RFTN1: variants seen among roughly 807,000 people sequenced by gnomAD.
RFTN1 encodes raftlin.
In RFTN1, 26 loss-of-function variants were observed where a neutral mutation model predicts 46.5. The observed-to-expected ratio is 0.56, with a 90% CI of 0.41 to 0.78. The LOEUF is 0.78. Ranked by LOEUF, RFTN1 falls within the 30% of genes least tolerant of loss-of-function variation. The pLI, the probability that RFTN1 is intolerant of heterozygous loss-of-function variation, is 0.00. For missense variants in RFTN1, 693 were observed against 718.7 expected, an observed-to-expected ratio of 0.96 and a Z score of 0.41; for synonymous variants, 261 against 284.2, an observed-to-expected ratio of 0.92 and a Z score of 0.82.
intron 2 of RFTN1, among the ~76,000 whole-genome samples, chr3:16,445,981 T>G (rs1159366564): frequency 6.6e-6 from 1 of 152,152 alleles, no homozygotes; most frequent in Non-Finnish European, 1.5e-5. Context: ...GAACCCATGC[T>G]GGGTTTATTT....
intron 4 of RFTN1, among the ~76,000 whole-genome samples, chr3:16,396,118 G>T (rs547471378): frequency 4.9e-4 from 75 of 152,116 alleles, no homozygotes; most frequent in Middle Eastern, 3.4e-3. Flanking sequence ...TGCCATTTTT[G>T]ATCAGAGACC....
chr3:16,373,728 C>T (rs944517865), intron 5 of RFTN1, among the ~76,000 whole-genome samples: 8 of 152,192 alleles, frequency 5.3e-5, no homozygotes, highest in African/African-American at 1.9e-4. Context: ...TGGTCATTAG[C>T]TGCATTGGAA....
rs1450205566 is a variant in RFTN1 at position 16,345,361 on chromosome 3, A to C, written c.1146+12571T>G. The stretch of plus-strand genomic sequence containing the variant: ...ATCTCAAACACATTGGGAAAACCTA[A>C]AGATATAGCCCCTGTTATCACATTG... On this transcript the variant is annotated intron_variant, in intron 7 of 9. Coordinates refer to ENST00000334133, the MANE Select transcript of RFTN1 (RefSeq NM_015150.2). The surrounding 1 kb of genome is among the most constrained non-coding windows in gnomAD (Gnocchi z 5.2). 1 of 151,490 alleles carries C rather than the reference A, an allele frequency of 6.6e-6. No homozygotes were observed. Among genetic ancestry groups the C allele is most frequent in the African/African-American group, 2.4e-5 (1 of 41,064 alleles). 9.4% of individuals were successfully genotyped at this position (151,490 alleles called of 1,614,324 possible). A position where few individuals can be genotyped will look rare whatever the true frequency, so the allele number is the denominator to read the frequency against.
chr3:16,453,998 A>C (rs1295131177), intron 2 of RFTN1, among the ~76,000 whole-genome samples: 1 of 152,204 alleles, frequency 6.6e-6, no homozygotes, highest in African/African-American at 2.4e-5. Flanking sequence ...CAGAAATGGA[A>C]GGCAGAAGAC....
At position 16,377,958 on chromosome 3, in the gene RFTN1, C is replaced by A. The variant is rs2073842300; in HGVS notation, c.586G>T (p.Asp196Tyr). 4 of 1,614,246 alleles carry A rather than the reference C, an allele frequency of 2.5e-6. No homozygotes were observed. The highest frequency in any genetic ancestry group is 3.4e-6 in the Non-Finnish European group (4 of 1,180,044). Residue 196 changes from aspartate (D) to tyrosine (Y), a missense_variant, in exon 5 of 10, where the codon GAT (aspartate) becomes TAT (tyrosine). Asp to Tyr is a radical substitution (Grantham distance 160). Coordinates refer to ENST00000334133, the MANE Select transcript of RFTN1 (RefSeq NM_015150.2). ...TTCTCATTCTCCAGTGACGCGTGAT[C>A]CCCACGTGCGTTTTTTGCATCTCTG... ...DARDAKNARG[D>Y]HASLENEKPG...
Position 16,504,212 on chromosome 3 carries a change from C to G in RFTN1, c.-9+9230G>C, listed in dbSNP as rs1010127037. Reference sequence around the variant, plus strand: ...CTTATTCACAGCCTAACAACAGCAGCCTTTCAGAAAAATAGCACACATAAA... The same window carrying G: ...CTTATTCACAGCCTAACAACAGCAGGCTTTCAGAAAAATAGCACACATAAA... On this transcript the variant is annotated intron_variant, in intron 1 of 9. Coordinates refer to ENST00000334133, the MANE Select transcript of RFTN1 (RefSeq NM_015150.2). This position sits in a 1 kb window ranked among gnomAD's most constrained non-coding sequence, Gnocchi z 4.4. 2.0e-5 allele frequency among the ~76,000 whole-genome samples: 3 copies of G among 152,202 alleles called. No individual in the cohort carries two copies. Among genetic ancestry groups the G allele is most frequent in the Non-Finnish European group, 4.4e-5 (3 of 68,036 alleles).
Position 16,440,981 on chromosome 3 carries a change from T to C in RFTN1, c.146-6944A>G, listed in dbSNP as rs1444672105. Among the ~76,000 whole-genome samples the C allele has an allele frequency of 6.6e-6, 1 of 152,140 alleles. No homozygotes were observed. Among genetic ancestry groups the C allele is most frequent in the Admixed American group, 6.5e-5 (1 of 15,272 alleles). On this transcript the variant is annotated intron_variant, in intron 2 of 9. Coordinates refer to ENST00000334133, the MANE Select transcript of RFTN1 (RefSeq NM_015150.2). The surrounding 1 kb of genome is among the most constrained non-coding windows in gnomAD (Gnocchi z 4.6). The stretch of plus-strand genomic sequence containing the variant: ...CTGTTCATCCCACATCATCACAAGG[T>C]ACATCAAAAGCTTCAAGGACACATC...
chr3:16,402,481 G>A lies in RFTN1; in HGVS notation c.441+6894C>T, dbSNP rs1245523001. Among the ~76,000 whole-genome samples the A allele has an allele frequency of 6.6e-6, 1 of 152,056 alleles. No homozygotes were observed. Among genetic ancestry groups the A allele is most frequent in the Non-Finnish European group, 1.5e-5 (1 of 68,018 alleles). Reference sequence around the variant, plus strand: ...ATGTCACTATTCTCTTGGTTTGTGGGTGGGTTCTGGTGCAGCAAGCACAGG... The same window carrying A: ...ATGTCACTATTCTCTTGGTTTGTGGATGGGTTCTGGTGCAGCAAGCACAGG... On this transcript the variant is annotated intron_variant, in intron 4 of 9. Transcript: ENST00000334133. The surrounding 1 kb of genome is among the most constrained non-coding windows in gnomAD (Gnocchi z 4.5).
rs1217395882 is a variant in RFTN1 at position 16,383,640 on chromosome 3, T to C, written c.442-5538A>G. 1.3e-5 allele frequency among the ~76,000 whole-genome samples: 2 copies of C among 152,248 alleles called. No homozygotes were observed. The highest frequency in any genetic ancestry group is 2.9e-5 in the Non-Finnish European group (2 of 68,054). ...ACCATGTTGCTAATGATAAGTGCGATATATACTCTATGTGCATGCGAATAT... is the reference window on the plus strand; with the variant it reads ...ACCATGTTGCTAATGATAAGTGCGACATATACTCTATGTGCATGCGAATAT... On this transcript the variant is annotated intron_variant, in intron 4 of 9. Coordinates refer to ENST00000334133, the MANE Select transcript of RFTN1 (RefSeq NM_015150.2). This position sits in a 1 kb window ranked among gnomAD's most constrained non-coding sequence, Gnocchi z 4.0.
chr3:16,343,113 G>A (rs985944649), intron 7 of RFTN1, among the ~76,000 whole-genome samples: 2 of 152,188 alleles, frequency 1.3e-5, no homozygotes, highest in Admixed American at 6.5e-5. Context: ...CCAAAGAGCT[G>A]GGATTACAGG....
intron 1 of RFTN1, among the ~76,000 whole-genome samples, chr3:16,510,274 A>G (rs910870151): frequency 6.6e-6 from 1 of 152,200 alleles, no homozygotes; most frequent in African/African-American, 2.4e-5. Context: ...CTCTCCACCA[A>G]GTTAATATCA....
rs1191528295 is a variant in RFTN1, at chr3:16,384,423, C to G, written c.442-6321G>C. Among the ~76,000 whole-genome samples the G allele has an allele frequency of 1.3e-5, 2 of 152,208 alleles. No individual in the cohort carries two copies. The highest frequency in any genetic ancestry group is 2.9e-5 in the Non-Finnish European group (2 of 68,034). ...CTCCCAAATGACAGTGAGCCCCAAA[C>G]AGAAACAAGACAACTAGGACTTCAT... On this transcript the variant is annotated intron_variant, in intron 4 of 9. Coordinates refer to ENST00000334133, the MANE Select transcript of RFTN1 (RefSeq NM_015150.2). This position sits in a 1 kb window ranked among gnomAD's most constrained non-coding sequence, Gnocchi z 4.7.
intron 4 of RFTN1, among the ~76,000 whole-genome samples, chr3:16,405,230 C>A (rs1458606804): frequency 6.6e-6 from 1 of 152,162 alleles, no homozygotes; most frequent in Non-Finnish European, 1.5e-5. Context: ...GAGCCCTCGT[C>A]CCAAAGGAAT....
rs1160386331 is a variant in RFTN1 at position 16,317,772 on chromosome 3, C to T, written c.1333-540G>A. Reference sequence around the variant, plus strand: ...TGGCGGGCCCGCTCCCCAGCTAGGCCGATAGCCCTTTGCTGACCACCACCT... The same window carrying T: ...TGGCGGGCCCGCTCCCCAGCTAGGCTGATAGCCCTTTGCTGACCACCACCT... On this transcript the variant is annotated intron_variant, in intron 9 of 9. Transcript: ENST00000334133. This position sits in a 1 kb window ranked among gnomAD's most constrained non-coding sequence, Gnocchi z 4.3. Among the ~76,000 whole-genome samples, 1 of 92,314 alleles carries T rather than the reference C, an allele frequency of 1.1e-5. No individual in the cohort carries two copies. Among genetic ancestry groups the T allele is most frequent in the Admixed American group, 9.6e-5 (1 of 10,390 alleles). The allele number at this position is 92,314 out of a possible 152,430, so 60.6% of individuals were successfully genotyped here. A position where few individuals can be genotyped will look rare whatever the true frequency, so the allele number is the denominator to read the frequency against.
In RFTN1 at chr3:16,456,418, G is replaced by A. The variant is rs549425944; in HGVS notation, c.146-22381C>T. ...TCCTAAAAGATGAGAGGAAACTCAAGGAGAATGGTTTATCTTTCTGAATGG... is the reference window on the plus strand; with the variant it reads ...TCCTAAAAGATGAGAGGAAACTCAAAGAGAATGGTTTATCTTTCTGAATGG... On this transcript the variant is annotated intron_variant, in intron 2 of 9. Coordinates refer to ENST00000334133, the MANE Select transcript of RFTN1 (RefSeq NM_015150.2). 5.3e-5 allele frequency among the ~76,000 whole-genome samples: 8 copies of A among 152,260 alleles called. No homozygotes were observed. The South Asian group carries it at 1.0e-3, about 20-fold the overall frequency.
At chr3:16,420,449 AT>A (rs1559337980) in intron 3 of RFTN1, among the ~76,000 whole-genome samples, 1 of 152,240 alleles carries the variant, frequency 6.6e-6, no homozygotes, top group Non-Finnish European at 1.5e-5. Context: ...AATAGCAATA[AT>A]AGCTACATAG....
In RFTN1 at chr3:16,380,715, G is replaced by A. The variant is rs1396250182; in HGVS notation, c.442-2613C>T. ...CAATCTGTGTCTTAACAAGTCCTCC[G>A]AGTGATTCCAATGCAGCCTGATGTT... On this transcript the variant is annotated intron_variant, in intron 4 of 9. Coordinates refer to ENST00000334133, the MANE Select transcript of RFTN1 (RefSeq NM_015150.2). The surrounding 1 kb of genome is among the most constrained non-coding windows in gnomAD (Gnocchi z 4.8). 2.0e-5 allele frequency among the ~76,000 whole-genome samples: 3 copies of A among 152,140 alleles called. No individual in the cohort carries two copies. Among genetic ancestry groups the A allele is most frequent in the African/African-American group, 4.8e-5 (2 of 41,434 alleles).
chr3:16,456,102 G>A (rs1357036860), intron 2 of RFTN1, among the ~76,000 whole-genome samples: 1 of 151,856 alleles, frequency 6.6e-6, no homozygotes, highest in African/African-American at 2.4e-5. Context: ...ACTTTACATT[G>A]TAATGTAAAA....
At position 16,489,726 on chromosome 3, in the gene RFTN1, T is replaced by G. The variant is rs113295301; in HGVS notation, c.145+3999A>C. 3.8e-4 allele frequency among the ~76,000 whole-genome samples: 58 copies of G among 151,980 alleles called. 1 individual carries two copies. Among genetic ancestry groups the G allele is most frequent in the Middle Eastern group, 3.4e-3 (1 of 294 alleles). ...AGTTCAAGACCAGCCTGGCCAACAT[T>G]GTGAAACCCCATCTCTACTAAAAAT... is the stretch of plus-strand genomic sequence containing the variant. On this transcript the variant is annotated intron_variant, in intron 2 of 9. Coordinates refer to ENST00000334133, the MANE Select transcript of RFTN1 (RefSeq NM_015150.2). This position sits in a 1 kb window ranked among gnomAD's most constrained non-coding sequence, Gnocchi z 4.0.
Sources: gnomAD v4.1 joint callset for allele counts (sites outside exome capture counted in the v4.1 genomes callset) on GRCh38, gnomAD v4.1.1 for gene constraint, Gnocchi (gnomAD v3.1) non-coding constraint, MANE v1.5 for transcripts, NCBI Gene and HGNC (gene_info 2026-07-23, HGNC 2026-07-21) for gene names.